The following CRYBG1 variants were observed in gnomAD, a reference collection of about 807,000 sequenced individuals.
The protein encoded by CRYBG1 is beta/gamma crystallin domain-containing protein 1.
In CRYBG1, 139 loss-of-function variants were observed where a neutral mutation model predicts 189.2. The ratio of observed to expected loss-of-function variants is 0.73; its 90% confidence interval spans 0.64 to 0.85. The LOEUF (loss-of-function observed/expected upper bound fraction) is 0.85. Among genes scored for constraint, CRYBG1 ranks in the 40% least tolerant of loss-of-function variants. CRYBG1 has a pLI of 0.00. For missense variants in CRYBG1, 2,611 were observed against 2,675.8 expected (o/e 0.98, Z 0.53); for synonymous variants, 1,023 against 1,017.1 (o/e 1.01, Z -0.11).
chr6:106,512,661 G>A lies in CRYBG1; in HGVS notation c.1544G>A (p.Arg515Lys), dbSNP rs757373703. The A allele has an allele frequency of 2.5e-6, 4 of 1,576,872 alleles. No individual in the cohort carries two copies. Among genetic ancestry groups the A allele is most frequent in the South Asian group, 2.3e-5 (2 of 86,738 alleles). Residue 515 changes from arginine to lysine, a missense_variant, in exon 3 of 22, where the codon AGG becomes AAG. Physicochemically the swap from Arg to Lys is conservative, Grantham distance 26. Around this residue, in one of 3 missense-constraint regions of CRYBG1, gnomAD observed 985 missense variants for 924.4 expected, o/e 1.07. Coordinates refer to ENST00000633556, the MANE Select transcript of CRYBG1 (RefSeq NM_001371242.2). Reference protein sequence around the residue: ...QPPPASSPTKRKGRSRALEAV... With the variant: ...QPPPASSPTKKKGRSRALEAV... ...CCCCCGGCTTCGTCCCCCACGAAGAGGAAGGGCAGGAGCCGTGCCCTCGAG... is the reference window on the plus strand; with the variant it reads ...CCCCCGGCTTCGTCCCCCACGAAGAAGAAGGGCAGGAGCCGTGCCCTCGAG...
intron 1 of CRYBG1, among the ~76,000 whole-genome samples, chr6:106,426,354 AACAC>A (rs925985747): frequency 6.6e-6 from 1 of 151,942 alleles, no homozygotes; most frequent in Non-Finnish European, 1.5e-5. Flanking sequence ...ATATATCTTA[AACAC>A]ACACACACAC....
Position 106,433,734 on chromosome 6 carries a change from T to C in CRYBG1, c.174-17960T>C, listed in dbSNP as rs574798124. On this transcript the variant is annotated intron_variant, in intron 1 of 21. Transcript: ENST00000633556. ...AAACTGGGAAATATATATATATATA[T>C]ACATATATATGTATATATATATGTG... Among the ~76,000 whole-genome samples, 530 of 71,666 alleles carry C rather than the reference T, an allele frequency of 7.4e-3. 22 individuals carry two copies. The highest frequency in any genetic ancestry group is 0.028 in the African/African-American group (324 of 11,556). The allele number at this position is 71,666 out of a possible 152,430, so 47.0% of individuals were successfully genotyped here.
At chr6:106,493,087 C>A (rs981916188) in intron 2 of CRYBG1, among the ~76,000 whole-genome samples, 1 of 151,618 alleles carries the variant, frequency 6.6e-6, no homozygotes, top group African/African-American at 2.4e-5. Flanking sequence ...TGAATCATTT[C>A]TTGCCAAGCC....
chr6:106,525,959 C>T (rs1162655358), intron 6 of CRYBG1, among the ~76,000 whole-genome samples: 1 of 151,990 alleles, frequency 6.6e-6, no homozygotes, highest in East Asian at 1.9e-4. Flanking sequence ...ATTGTTTTGG[C>T]TAAGTAAAGA....
chr6:106,420,897 A>G (rs1771110541), intron 1 of CRYBG1: 1 of 152,444 alleles, frequency 6.6e-6, no homozygotes, highest in South Asian at 2.1e-4. Flanking sequence ...ATGTATGGGT[A>G]GAGCCTCAAT....
intron 2 of CRYBG1, among the ~76,000 whole-genome samples, chr6:106,499,831 A>G (rs1208922363): frequency 6.6e-6 from 1 of 152,072 alleles, no homozygotes; most frequent in East Asian, 1.9e-4. Context: ...ACTTCCCCCA[A>G]CTCACAGCCT....
intron 2 of CRYBG1, among the ~76,000 whole-genome samples, chr6:106,488,657 G>A (rs1772646317): frequency 6.6e-6 from 1 of 152,156 alleles, no homozygotes; most frequent in African/African-American, 2.4e-5. Context: ...CAGGCAGGGG[G>A]GTGGGTGCCT....
intron 10 of CRYBG1, among the ~76,000 whole-genome samples, chr6:106,542,659 ATTTTATTTTG>A (rs1426317865): frequency 8.4e-6 from 1 of 118,850 alleles, no homozygotes; most frequent in East Asian, 2.2e-4. Context: ...ATTTTATTTT[ATTTTATTTTG>A]AGACAAGAGT....
intron 8 of CRYBG1, among the ~76,000 whole-genome samples, chr6:106,534,387 CGTTGAACTT>C (rs1773943663): frequency 6.6e-6 from 1 of 151,732 alleles, no homozygotes; most frequent in East Asian, 1.9e-4. Flanking sequence ...AGTTTGGGCT[CGTTGAACTT>C]GGTTGGTGAG....
intron 1 of CRYBG1, among the ~76,000 whole-genome samples, chr6:106,420,548 A>T (rs1230167601): frequency 6.6e-6 from 1 of 152,224 alleles, no homozygotes; most frequent in Non-Finnish European, 1.5e-5. Context: ...TGCATGCCTC[A>T]GTTCCCAAGC....
intron 19 of CRYBG1, 81 bp downstream of exon 19, chr6:106,561,007 T>C (rs1035761190): frequency 6.3e-6 from 9 of 1,427,144 alleles, no homozygotes; most frequent in Admixed American, 2.5e-5. Context: ...TTATCCAATT[T>C]TTTTATTCAA....
At chr6:106,543,103 G>A (rs755222730) in intron 10 of CRYBG1, among the ~76,000 whole-genome samples, 3 of 149,860 alleles carry the variant, frequency 2.0e-5, no homozygotes, top group Non-Finnish European at 4.4e-5. Flanking sequence ...CGTGATCTCG[G>A]CTCACTTAAC....
intron 1 of CRYBG1, among the ~76,000 whole-genome samples, chr6:106,390,435 CCTT>C (rs1770479049): frequency 6.6e-6 from 1 of 151,810 alleles, no homozygotes; most frequent in Non-Finnish European, 1.5e-5. Context: ...CCCTTCTTTC[CCTT>C]CTAATTGTGG....
intron 1 of CRYBG1, among the ~76,000 whole-genome samples, chr6:106,425,373 A>C (rs1771206022): frequency 6.6e-6 from 1 of 152,156 alleles, no homozygotes; most frequent in Non-Finnish European, 1.5e-5. Flanking sequence ...TGTCATTACC[A>C]GCAATTTTAT....
intron 20 of CRYBG1, among the ~76,000 whole-genome samples, chr6:106,562,345 T>C (rs1774745081): frequency 6.6e-6 from 1 of 152,216 alleles, no homozygotes; most frequent in Admixed American, 6.5e-5. Context: ...GCCTTTGAAT[T>C]GTCTTAATCC....
Position 106,561,414 on chromosome 6 carries a change from C to A in CRYBG1, c.6052C>A (p.Leu2018Met), listed in dbSNP as rs758582893. ...FMSTNGNLED[L>M]KLLRIQVMED... ...GTCAACCAATGGAAACTTAGAGGAT[C>A]TGAAGCTTCTGAGGATACAGGTCAT... Residue 2018 changes from leucine to methionine, a missense_variant, in exon 20 of 22, where the codon CTG becomes ATG. By Grantham distance (15) the Leu-to-Met change is conservative (BLOSUM62 2). This residue lies in a region of CRYBG1 where 1,622 missense variants were observed against 1,735.0 expected (regional missense o/e 0.93). Coordinates refer to ENST00000633556, the MANE Select transcript of CRYBG1 (RefSeq NM_001371242.2). 6.2e-7 allele frequency: 1 copy of A among 1,614,132 alleles called. No individual in the cohort carries two copies. The highest frequency in any genetic ancestry group is 8.5e-7 in the Non-Finnish European group (1 of 1,180,008).
At chr6:106,477,663 T>C (rs576967459) in intron 2 of CRYBG1, among the ~76,000 whole-genome samples, 140 of 152,282 alleles carry the variant, frequency 9.2e-4, no homozygotes, top group Non-Finnish European at 1.7e-3. Context: ...TGTGACCAAA[T>C]AGCCAAAGAA....
At chr6:106,528,484 G>A (rs1177836095) in intron 7 of CRYBG1, among the ~76,000 whole-genome samples, 1 of 152,106 alleles carries the variant, frequency 6.6e-6, no homozygotes, top group African/African-American at 2.4e-5. Flanking sequence ...ATTCTAGTCT[G>A]CTTTTTCTGC....
chr6:106,532,006 C>T (rs946267183), intron 8 of CRYBG1, among the ~76,000 whole-genome samples: 87 of 152,112 alleles, frequency 5.7e-4, no homozygotes, highest in African/African-American at 2.0e-3. Context: ...GGATAGTATA[C>T]ATTTTACTGC....
Sources: gnomAD v4.1 joint callset for allele counts (sites outside exome capture counted in the v4.1 genomes callset) on GRCh38, gnomAD v4.1.1 for gene constraint, gnomAD v4.1.1 regional missense constraint, MANE v1.5 for transcripts, NCBI Gene and HGNC (gene_info 2026-07-23, HGNC 2026-07-21) for gene names.